The following PDGFC variants were observed in gnomAD, a reference collection of about 807,000 sequenced individuals.
PDGFC encodes platelet derived growth factor C.
In PDGFC, 12 loss-of-function variants were observed where a neutral mutation model predicts 35.5. The observed-to-expected ratio is 0.34, with a 90% confidence interval of 0.22 to 0.55. The LOEUF (loss-of-function observed/expected upper bound fraction) is 0.55, where lower values mean the gene tolerates loss of function less well. Ranked by LOEUF, PDGFC falls within the 20% of genes least tolerant of loss-of-function variation. The probability of loss-of-function intolerance (pLI) is 0.91; values close to 1 mark genes in which losing one functional copy is unlikely to be tolerated. For synonymous variants in PDGFC, 159 were observed against 148.8 expected (o/e 1.07, Z -0.50); for missense variants, 322 against 412.4 (o/e 0.78, Z 1.90).
chr4:156,775,188 A>C (rs993046550), intron 3 of PDGFC, among the ~76,000 whole-genome samples: 2 of 152,104 alleles, frequency 1.3e-5, no homozygotes, highest in Admixed American at 1.3e-4. Context: ...TGATCTAAAA[A>C]CGGTTTTAAT....
intron 1 of PDGFC, among the ~76,000 whole-genome samples, chr4:156,854,458 T>C (rs1729526614): frequency 6.6e-6 from 1 of 152,110 alleles, no homozygotes; most frequent in East Asian, 1.9e-4. Context: ...CTGGGCCTTA[T>C]TTGTGGTTAA....
chr4:156,912,761 T>C (rs1196740294), intron 1 of PDGFC, among the ~76,000 whole-genome samples: 1 of 151,954 alleles, frequency 6.6e-6, no homozygotes, highest in East Asian at 1.9e-4. Context: ...TATAAATATG[T>C]ACATTTTTCT....
intron 2 of PDGFC, among the ~76,000 whole-genome samples, chr4:156,822,771 A>AT (rs1464033292): frequency 1.3e-5 from 2 of 151,830 alleles, no homozygotes; most frequent in Admixed American, 1.3e-4. Flanking sequence ...TTATTTATTT[A>AT]TTTTTTTGAG....
Position 156,850,258 on chromosome 4 carries a change from T to G in PDGFC, c.277A>C (p.Arg93=). The change falls in exon 2 of 6, where the codon AGA becomes CGA. Residue 93 remains arginine, a synonymous_variant. Coordinates refer to ENST00000502773, the MANE Select transcript of PDGFC (RefSeq NM_016205.3). ...NVWIQLTFDE[R]FGLEDPEDDI... ...TCTTCTGGGTCTTCAAGCCCAAATC[T>G]TTCATCAAACGTAAGTTGTATCCAT... is the stretch of plus-strand genomic sequence containing the variant. 1 of 1,599,090 alleles carries G rather than the reference T, an allele frequency of 6.3e-7. No individual in the cohort carries two copies. Among genetic ancestry groups the G allele is most frequent in the Non-Finnish European group, 8.5e-7 (1 of 1,172,260 alleles).
In PDGFC at chr4:156,779,062, AC is replaced by A. The variant is rs1730910470; in HGVS notation, c.496-6170del. On this transcript the variant is annotated intron_variant, in intron 3 of 5. Coordinates refer to ENST00000502773, the MANE Select transcript of PDGFC (RefSeq NM_016205.3). ...TCCAATCTCATTTATGTAATGTCAA[AC>A]TGATATATTGTACAGAGGTCTTACT... The A allele has an allele frequency of 7.0e-5, 31 of 445,584 alleles. 2 individuals carry two copies. The highest frequency in any genetic ancestry group is 4.5e-4 in the South Asian group (28 of 62,290). 27.6% of individuals were successfully genotyped at this position (445,584 alleles called of 1,614,324 possible).
intron 1 of PDGFC, among the ~76,000 whole-genome samples, chr4:156,899,971 G>A (rs1190596784): frequency 6.6e-6 from 1 of 152,032 alleles, no homozygotes; most frequent in Non-Finnish European, 1.5e-5. Context: ...CTACTCTTCT[G>A]GTAATCTGAC....
intron 3 of PDGFC, among the ~76,000 whole-genome samples, chr4:156,809,299 G>T (rs1462670636): frequency 6.6e-6 from 1 of 151,978 alleles, no homozygotes; most frequent in Non-Finnish European, 1.5e-5. Flanking sequence ...TTGGCCTAAA[G>T]TCTCCCAGAT....
rs1732594307 is a variant in PDGFC, at chr4:156,971,513, C to A, written c.-610G>T. 1 of 196,258 alleles carries A rather than the reference C, an allele frequency of 5.1e-6. No homozygotes were observed. Among genetic ancestry groups the A allele is most frequent in the Non-Finnish European group, 1.0e-5 (1 of 98,762 alleles). 12.2% of individuals were successfully genotyped at this position (196,258 alleles called of 1,614,324 possible). A position where few individuals can be genotyped will look rare whatever the true frequency, so the allele number is the denominator to read the frequency against. Reference sequence around the variant, plus strand: ...GGAGCGGGGCCGGGGGGCTCCGGGCCGACGGCGGCCCGGGCGCAGGCGGAG... The same window carrying A: ...GGAGCGGGGCCGGGGGGCTCCGGGCAGACGGCGGCCCGGGCGCAGGCGGAG... On this transcript the variant is annotated 5_prime_UTR_variant, in exon 1 of 6. Coordinates refer to ENST00000502773, the MANE Select transcript of PDGFC (RefSeq NM_016205.3).
At chr4:156,956,260 A>G (rs1282706222) in intron 1 of PDGFC, among the ~76,000 whole-genome samples, 1 of 152,020 alleles carries the variant, frequency 6.6e-6, no homozygotes, top group African/African-American at 2.4e-5. Context: ...GTATTAGAAG[A>G]CTGGGGTGAC....
rs189414943 is a variant in PDGFC at position 156,840,178 on chromosome 4, C to T, written c.314+10043G>A. On this transcript the variant is annotated intron_variant, in intron 2 of 5. Coordinates refer to ENST00000502773, the MANE Select transcript of PDGFC (RefSeq NM_016205.3). Reference sequence around the variant, plus strand: ...GTCTCCAGGGAATGTCACAGACCTTCGCAGCAGCCCTCCCATCACAGGCAT... The same window carrying T: ...GTCTCCAGGGAATGTCACAGACCTTTGCAGCAGCCCTCCCATCACAGGCAT... 2.6e-4 allele frequency among the ~76,000 whole-genome samples: 39 copies of T among 152,286 alleles called. No individual in the cohort carries two copies. The East Asian group carries it at 4.7e-3, about 18-fold the overall frequency.
intron 1 of PDGFC, among the ~76,000 whole-genome samples, chr4:156,875,359 A>T (rs1730087978): frequency 1.3e-5 from 2 of 152,192 alleles, no homozygotes; most frequent in Admixed American, 1.3e-4. Context: ...CTAGCCACTG[A>T]GAACTGGGCT....
chr4:156,802,450 C>A (rs1331177551), intron 3 of PDGFC, among the ~76,000 whole-genome samples: 1 of 151,860 alleles, frequency 6.6e-6, no homozygotes, highest in East Asian at 1.9e-4. Flanking sequence ...GCCAGATACC[C>A]CAAATCTGCT....
intron 2 of PDGFC, among the ~76,000 whole-genome samples, chr4:156,822,079 T>C (rs1264736360): frequency 6.6e-6 from 1 of 152,050 alleles, no homozygotes; most frequent in African/African-American, 2.4e-5. Flanking sequence ...ATGTCTTTCA[T>C]AGTGAAATTT....
intron 2 of PDGFC, among the ~76,000 whole-genome samples, chr4:156,848,534 C>T (rs915957424): frequency 2.6e-5 from 4 of 151,866 alleles, no homozygotes; most frequent in Admixed American, 2.0e-4. Flanking sequence ...TCAAAGACAA[C>T]AAATGATCTA....
At chr4:156,832,118 G>A (rs932157203) in intron 2 of PDGFC, among the ~76,000 whole-genome samples, 7 of 151,796 alleles carry the variant, frequency 4.6e-5, no homozygotes, top group African/African-American at 1.7e-4. Context: ...AATTATTCCA[G>A]TTGTCTCCCA....
intron 3 of PDGFC, among the ~76,000 whole-genome samples, chr4:156,782,169 C>T (rs1434064649): frequency 6.6e-6 from 1 of 152,124 alleles, no homozygotes; most frequent in Non-Finnish European, 1.5e-5. Flanking sequence ...GAGAAATGGG[C>T]ATTACACATC....
At chr4:156,809,610 GT>G (rs1731875636) in intron 3 of PDGFC, among the ~76,000 whole-genome samples, 1 of 151,740 alleles carries the variant, frequency 6.6e-6, no homozygotes, top group African/African-American at 2.4e-5. Flanking sequence ...ATGTATATGT[GT>G]AATACATACA....
At chr4:156,826,175 T>TTTTG (rs1732471037) in intron 2 of PDGFC, among the ~76,000 whole-genome samples, 1 of 11,538 alleles carries the variant, frequency 8.7e-5, no homozygotes, top group African/African-American at 3.2e-4. Context: ...TTGAGTTGGA[T>TTTTG]TTTTTTTTTT....
intron 1 of PDGFC, among the ~76,000 whole-genome samples, chr4:156,920,595 C>T (rs2110838358): frequency 6.6e-6 from 1 of 150,684 alleles, no homozygotes; most frequent in East Asian, 2.0e-4. Context: ...AGAAAGTATA[C>T]TTTGAGAATA....
Sources: gnomAD v4.1 joint callset for allele counts (sites outside exome capture counted in the v4.1 genomes callset) on GRCh38, gnomAD v4.1.1 for gene constraint, MANE v1.5 for transcripts, NCBI Gene and HGNC (gene_info 2026-07-23, HGNC 2026-07-21) for gene names.